Variants in BRD10 observed in about 807,000 individuals in gnomAD.
The protein encoded by BRD10 is uncharacterized bromodomain-containing protein 10.
chr9:5,893,953 G>T, the BRD10 span, among the ~76,000 whole-genome samples: 2 of 143,858 alleles, frequency 1.4e-5, no homozygotes, highest in African/African-American at 5.2e-5. Flanking sequence ...CATTCTTGCT[G>T]TGTTGTAAAT....
chr9:5,907,428 A>G, the BRD10 span, among the ~76,000 whole-genome samples: 1 of 152,244 alleles, frequency 6.6e-6, no homozygotes. Context: ...CTTAGCCACT[A>G]GTCACATGGT....
the BRD10 span, chr9:5,920,442 T>C: frequency 3.1e-6 from 5 of 1,613,854 alleles, no homozygotes; most frequent in East Asian, 2.2e-5. Context: ...GCCGAAGCCG[T>C]GTGAATGGTA....
chr9:5,968,791 A>G, the BRD10 span: 5 of 1,613,966 alleles, frequency 3.1e-6, no homozygotes, highest in South Asian at 5.5e-5. Context: ...AAATCCGTAC[A>G]TCTGCACCAC....
the BRD10 span, chr9:5,897,533 G>A: frequency 1.3e-6 from 2 of 1,591,772 alleles, no homozygotes; most frequent in South Asian, 2.2e-5. Flanking sequence ...ATGACAAAGT[G>A]GATTTGTCTA....
the BRD10 span, among the ~76,000 whole-genome samples, chr9:5,941,703 G>C: frequency 2.0e-5 from 3 of 152,112 alleles, no homozygotes; most frequent in African/African-American, 7.2e-5. Context: ...ACAATGAGTA[G>C]TTCAATGACA....
At chr9:5,880,840 G>A in the BRD10 span, among the ~76,000 whole-genome samples, 1 of 151,962 alleles carries the variant, frequency 6.6e-6, no homozygotes, top group African/African-American at 2.4e-5. Context: ...GAGTAGCTAG[G>A]ATTACAGGCG....
chr9:5,971,079 A>AAAAAAG, the BRD10 span, among the ~76,000 whole-genome samples: 3 of 145,722 alleles, frequency 2.1e-5, no homozygotes, highest in Non-Finnish European at 3.0e-5. Flanking sequence ...AAAAAAAAAA[A>AAAAAAG]GGAGAAAGAA....
At chr9:5,914,202 G>T in the BRD10 span, 1 of 333,144 alleles carries the variant, frequency 3.0e-6, no homozygotes, top group South Asian at 2.5e-5. Context: ...GGTTAAAATT[G>T]TAAGGGCTTA....
At chr9:5,983,019 G>C in the BRD10 span, among the ~76,000 whole-genome samples, 1 of 152,158 alleles carries the variant, frequency 6.6e-6, no homozygotes, top group Non-Finnish European at 1.5e-5. Flanking sequence ...GCAGTTGGTT[G>C]AATCAGTGCA....
chr9:5,929,105 G>C, the BRD10 span: 2 of 1,608,366 alleles, frequency 1.2e-6, no homozygotes, highest in Non-Finnish European at 1.7e-6. Flanking sequence ...TTTAAAAGAC[G>C]TATCAATGTA....
At chr9:5,971,351 G>A in the BRD10 span, among the ~76,000 whole-genome samples, 6 of 152,104 alleles carry the variant, frequency 3.9e-5, no homozygotes, top group Admixed American at 3.9e-4. Flanking sequence ...ATGTGATCTA[G>A]CAATTCTACT....
At chr9:5,912,658 G>A in the BRD10 span, among the ~76,000 whole-genome samples, 1 of 152,176 alleles carries the variant, frequency 6.6e-6, no homozygotes, top group African/African-American at 2.4e-5. Context: ...GATAGGATGA[G>A]GCTTCCCTGC....
chr9:5,901,090 T>C, the BRD10 span, among the ~76,000 whole-genome samples: 1 of 151,914 alleles, frequency 6.6e-6, no homozygotes, highest in African/African-American at 2.4e-5. Context: ...AGTGAACCGG[T>C]AGAGTGGATC....
the BRD10 span, among the ~76,000 whole-genome samples, chr9:5,925,988 G>A: frequency 3.3e-5 from 5 of 152,056 alleles, no homozygotes; most frequent in African/African-American, 1.2e-4. Context: ...CACAATCTCG[G>A]CTCACTGCAA....
the BRD10 span, among the ~76,000 whole-genome samples, chr9:5,893,325 C>T: frequency 2.6e-5 from 4 of 152,212 alleles, no homozygotes; most frequent in African/African-American, 4.8e-5. Flanking sequence ...CCACCCTCTG[C>T]GTGGGACTCT....
At chr9:5,911,403 G>A in the BRD10 span, among the ~76,000 whole-genome samples, 2 of 92,612 alleles carry the variant, frequency 2.2e-5, no homozygotes, top group Admixed American at 2.1e-4. Flanking sequence ...TGGTCTATGT[G>A]TGTTTTTTTT....
the BRD10 span, chr9:5,920,340 G>C: frequency 1.9e-6 from 3 of 1,613,820 alleles, no homozygotes; most frequent in South Asian, 2.2e-5. Context: ...TGAGTACCAG[G>C]TGCCAAAGGT....
the BRD10 span, chr9:5,913,831 T>G: frequency 4.2e-6 from 1 of 236,926 alleles, no homozygotes; most frequent in Non-Finnish European, 8.5e-6. Flanking sequence ...AATAAATCAC[T>G]TACAGTTCAA....
At chr9:5,955,425 CTT>C in the BRD10 span, among the ~76,000 whole-genome samples, 2 of 152,192 alleles carry the variant, frequency 1.3e-5, no homozygotes, top group Middle Eastern at 3.4e-3. Flanking sequence ...CATAAAGTAA[CTT>C]TGCTGTACAT....
Sources: gnomAD v4.1 joint callset for allele counts (sites outside exome capture counted in the v4.1 genomes callset) on GRCh38, gnomAD v4.1.1 for gene constraint, MANE v1.5 for transcripts, NCBI Gene and HGNC (gene_info 2026-07-23, HGNC 2026-07-21) for gene names.